Variants in GRID2 observed in about 807,000 individuals in gnomAD.
GRID2 encodes glutamate ionotropic receptor delta type subunit 2.
In GRID2, 33 loss-of-function variants were observed where a neutral mutation model predicts 114.8. That is an observed-to-expected ratio of 0.29 (90% CI 0.22 to 0.38). The LOEUF (loss-of-function observed/expected upper bound fraction) is 0.38. Among genes scored for constraint, GRID2 ranks in the 10% least tolerant of loss-of-function variants. The pLI is 1.00. For missense variants in GRID2, 1,184 were observed against 1,257.7 expected, an observed-to-expected ratio of 0.94 and a Z score of 0.89; for synonymous variants, 505 against 449.9, an observed-to-expected ratio of 1.12 and a Z score of -1.55.
intron 2 of GRID2, among the ~76,000 whole-genome samples, chr4:93,081,958 T>A (rs915155693): frequency 3.9e-5 from 6 of 152,216 alleles, no homozygotes; most frequent in African/African-American, 1.4e-4. Context: ...TCAGCTGCCA[T>A]GAGTTATAGC....
chr4:92,691,275 A>G (rs917579171), intron 2 of GRID2, among the ~76,000 whole-genome samples: 3 of 152,044 alleles, frequency 2.0e-5, no homozygotes, highest in Non-Finnish European at 2.9e-5. Context: ...CTTTTCATAC[A>G]TTTCTTTATA....
At chr4:93,762,359 A>G (rs1733283422) in intron 14 of GRID2, among the ~76,000 whole-genome samples, 1 of 152,186 alleles carries the variant, frequency 6.6e-6, no homozygotes, top group African/African-American at 2.4e-5. Flanking sequence ...TATTTTTGAA[A>G]TATTAAAATG....
At chr4:93,728,039 G>GT (rs1359590985) in intron 14 of GRID2, among the ~76,000 whole-genome samples, 1 of 152,072 alleles carries the variant, frequency 6.6e-6, no homozygotes, top group Non-Finnish European at 1.5e-5. Context: ...TTTTGAATGT[G>GT]TTTTCTCTTG....
intron 14 of GRID2, among the ~76,000 whole-genome samples, chr4:93,763,196 C>T (rs975842183): frequency 1.3e-4 from 20 of 151,986 alleles, no homozygotes; most frequent in Non-Finnish European, 2.8e-4. Context: ...TAATGCTGTC[C>T]TCCATAAATC....
chr4:92,834,814 T>C (rs1411829471), intron 2 of GRID2, among the ~76,000 whole-genome samples: 3 of 152,132 alleles, frequency 2.0e-5, no homozygotes, highest in Admixed American at 2.0e-4. Context: ...GTGGTGTTTG[T>C]GATGGGGATG....
intron 2 of GRID2, among the ~76,000 whole-genome samples, chr4:92,597,359 A>G (rs548820032): frequency 6.6e-6 from 1 of 152,018 alleles, no homozygotes; most frequent in African/African-American, 2.4e-5. Flanking sequence ...TTGATATCAT[A>G]CTCTTGAAGT....
intron 2 of GRID2, among the ~76,000 whole-genome samples, chr4:92,975,111 C>T (rs1416837698): frequency 1.5e-5 from 2 of 133,064 alleles, no homozygotes; most frequent in Non-Finnish European, 3.0e-5. Flanking sequence ...GAGCAGAGAT[C>T]GCACCACTGC....
intron 2 of GRID2, among the ~76,000 whole-genome samples, chr4:92,970,732 T>C (rs970060052): frequency 2.6e-5 from 4 of 151,982 alleles, no homozygotes; most frequent in Admixed American, 2.6e-4. Flanking sequence ...ACTGATAGAA[T>C]TATTTCCAAA....
In GRID2 at chr4:92,475,641, C is replaced by T. The variant is rs527564419; in HGVS notation, c.89-114490C>T. 2.6e-5 allele frequency among the ~76,000 whole-genome samples: 4 copies of T among 151,920 alleles called. No individual in the cohort carries two copies. The South Asian group carries it at 8.3e-4, about 32-fold the overall frequency. The stretch of plus-strand genomic sequence containing the variant: ...AAATTTGTTATTTTGTCTAAGATTG[C>T]TTTGGCTACTTGGGGTCTTTTATGG... On this transcript the variant is annotated intron_variant, in intron 1 of 15. Coordinates refer to ENST00000282020, the MANE Select transcript of GRID2 (RefSeq NM_001510.4).
chr4:93,654,813 A>G (rs866196233), intron 14 of GRID2, among the ~76,000 whole-genome samples: 5 of 152,144 alleles, frequency 3.3e-5, no homozygotes, highest in African/African-American at 1.2e-4. Context: ...AGTGAGTATC[A>G]CATACTTCCT....
chr4:92,950,432 A>G (rs1264641462), intron 2 of GRID2, among the ~76,000 whole-genome samples: 1 of 152,224 alleles, frequency 6.6e-6, no homozygotes, highest in African/African-American at 2.4e-5. Flanking sequence ...TTGTTTGAAT[A>G]GAAATATCAA....
chr4:92,981,546 C>T (rs942360214), intron 2 of GRID2, among the ~76,000 whole-genome samples: 1 of 151,942 alleles, frequency 6.6e-6, no homozygotes, highest in African/African-American at 2.4e-5. Flanking sequence ...CCCTCATTTC[C>T]AAGGCCTCCA....
At chr4:93,191,193 A>T (rs769358947) in intron 4 of GRID2, among the ~76,000 whole-genome samples, 31 of 152,076 alleles carry the variant, frequency 2.0e-4, no homozygotes, top group Non-Finnish European at 4.4e-4. Flanking sequence ...AAAAAATAGC[A>T]AAACTCTAGA....
chr4:93,485,543 A>T (rs756129087), intron 11 of GRID2, among the ~76,000 whole-genome samples: 1 of 151,628 alleles, frequency 6.6e-6, no homozygotes, highest in Non-Finnish European at 1.5e-5. Flanking sequence ...GCATGGTATT[A>T]ATTTCTGTGT....
intron 13 of GRID2, among the ~76,000 whole-genome samples, chr4:93,545,369 A>G (rs980240006): frequency 1.7e-4 from 26 of 152,178 alleles, no homozygotes; most frequent in Non-Finnish European, 3.5e-4. Context: ...TTTAGTAGCT[A>G]TGGGAAGAGC....
chr4:92,345,803 T>C (rs1158508959), intron 1 of GRID2, among the ~76,000 whole-genome samples: 2 of 152,216 alleles, frequency 1.3e-5, no homozygotes, highest in East Asian at 3.8e-4. Context: ...AGGTCTCTTG[T>C]AAATTAAAAC....
chr4:92,527,707 C>T (rs1725113992), intron 1 of GRID2, among the ~76,000 whole-genome samples: 1 of 151,954 alleles, frequency 6.6e-6, no homozygotes. Context: ...TAGCATAAGA[C>T]AAACCTCCAA....
At chr4:93,045,971 TA>T (rs1726100476) in intron 2 of GRID2, among the ~76,000 whole-genome samples, 1 of 152,104 alleles carries the variant, frequency 6.6e-6, no homozygotes, top group Non-Finnish European at 1.5e-5. Context: ...TGAGTGGGAT[TA>T]ATCCCCCAAA....
chr4:92,670,176 T>A (rs1182123017), intron 2 of GRID2, among the ~76,000 whole-genome samples: 2 of 152,124 alleles, frequency 1.3e-5, no homozygotes, highest in African/African-American at 2.4e-5. Context: ...TAATCTATAA[T>A]CTACCACTAT....
Sources: allele counts gnomAD v4.1 joint callset (sites outside exome capture counted in the v4.1 genomes callset), GRCh38; gene constraint gnomAD v4.1.1; transcripts MANE v1.5; gene names NCBI Gene and HGNC (gene_info 2026-07-23, HGNC 2026-07-21).